Variants in WDFY4 observed in about 807,000 individuals in gnomAD.
WDFY4 encodes WDFY family member 4, also known as WD repeat- and FYVE domain-containing protein 4.
WDFY4 carries 169 observed loss-of-function variants against 351.9 expected under a neutral mutation model. The observed-to-expected ratio is 0.48, with a 90% confidence interval of 0.42 to 0.55. The LOEUF is 0.55. Ranked by LOEUF, WDFY4 falls within the 20% of genes least tolerant of loss-of-function variation. The probability of loss-of-function intolerance (pLI) is 0.00; values close to 1 mark genes in which losing one functional copy is unlikely to be tolerated. For missense variants in WDFY4, 3,803 were observed against 3,935.6 expected (o/e 0.97, Z 0.90); for synonymous variants, 1,622 against 1,574.6 (o/e 1.03, Z -0.71).
rs201529289 is a variant in WDFY4 at position 48,803,049 on chromosome 10, C to T, written c.4411-237C>T. 8.0e-3 allele frequency among the ~76,000 whole-genome samples: 1,215 copies of T among 152,280 alleles called. 45 individuals carry two copies. The East Asian group carries it at 0.13, about 16-fold the overall frequency. ...TTAGTGCAGGCGTCCTTGGTTGGAA[C>T]CAGGCCCACAATGAAGTGCCAAGTA... On this transcript the variant is annotated intron_variant, in intron 24 of 61. Transcript: ENST00000325239.
intron 1 of WDFY4, among the ~76,000 whole-genome samples, chr10:48,693,664 C>T (rs548513132): frequency 7.9e-4 from 120 of 152,316 alleles, no homozygotes; most frequent in Admixed American, 1.8e-3. Context: ...CTATTCTAAA[C>T]GCTTCATGTT....
intron 2 of WDFY4, among the ~76,000 whole-genome samples, chr10:48,716,823 G>A (rs541616599): frequency 2.6e-4 from 39 of 152,318 alleles, no homozygotes; most frequent in African/African-American, 8.2e-4. Flanking sequence ...GAGTTGCAGG[G>A]ATTTGTTAGA....
intron 39 of WDFY4, among the ~76,000 whole-genome samples, chr10:48,836,239 T>G (rs1449319569): frequency 6.6e-6 from 1 of 152,264 alleles, no homozygotes; most frequent in Non-Finnish European, 1.5e-5. Context: ...TATTTTCTAA[T>G]GTATCCCAAG....
chr10:48,823,297 A>T, intron 35 of WDFY4: 1 of 1,284,542 alleles, frequency 7.8e-7, no homozygotes, highest in African/African-American at 1.5e-5. Context: ...ACCCAGGGGG[A>T]TGTCTGTGAT....
intron 39 of WDFY4, among the ~76,000 whole-genome samples, chr10:48,837,855 G>A (rs937870523): frequency 2.0e-5 from 3 of 152,218 alleles, no homozygotes; most frequent in Non-Finnish European, 4.4e-5. Flanking sequence ...GTATACATAT[G>A]GACAGCTATC....
At chr10:48,789,808 A>C (rs2066617943) in intron 21 of WDFY4, 66 bp from the exon 22 acceptor site, 21 of 1,481,944 alleles carry the variant, frequency 1.4e-5, no homozygotes, top group Non-Finnish European at 1.9e-5. Context: ...GCCCTCCAGG[A>C]GCTCGTGGAC....
At chr10:48,931,988 G>A (rs1041750632) in intron 47 of WDFY4, among the ~76,000 whole-genome samples, 73 of 152,218 alleles carry the variant, frequency 4.8e-4, no homozygotes, top group African/African-American at 1.7e-3. Flanking sequence ...TGAAAAGGCC[G>A]GTGGGTAGGC....
intron 37 of WDFY4, among the ~76,000 whole-genome samples, chr10:48,829,822 A>G (rs2068127561): frequency 6.6e-6 from 1 of 152,226 alleles, no homozygotes; most frequent in Non-Finnish European, 1.5e-5. Context: ...ACTGCACTCC[A>G]GCCTAGGCAA....
chr10:48,840,650 T>C (rs1308185661), intron 39 of WDFY4, among the ~76,000 whole-genome samples: 1 of 152,124 alleles, frequency 6.6e-6, no homozygotes, highest in Non-Finnish European at 1.5e-5. Flanking sequence ...GCAGCAGAAC[T>C]GAACAAGGAC....
chr10:48,941,986 T>C (rs762484557), intron 48 of WDFY4, 138 bp downstream of exon 48: 1 of 911,964 alleles, frequency 1.1e-6, no homozygotes, highest in Non-Finnish European at 1.6e-6. Flanking sequence ...TTCTTTGAGA[T>C]GGAGTTTCAC....
At chr10:48,717,509 T>C (rs2063946252) in intron 2 of WDFY4, among the ~76,000 whole-genome samples, 2 of 152,224 alleles carry the variant, frequency 1.3e-5, no homozygotes, top group South Asian at 4.1e-4. Flanking sequence ...ACACATTCTA[T>C]AGCTCATTCC....
At position 48,716,975 on chromosome 10, in the gene WDFY4, C is replaced by T. The variant is rs11101440; in HGVS notation, c.235-3036C>T. 1.6e-4 allele frequency among the ~76,000 whole-genome samples: 25 copies of T among 152,284 alleles called. No homozygotes were observed. In the South Asian group the frequency reaches 4.6e-3, roughly 28 times the overall value. ...GCTTGCAGGTGGCAGCTATAAGTTT[C>T]GTAGATGTGCGAATGCTACTTTGGG... On this transcript the variant is annotated intron_variant, in intron 2 of 61. Transcript: ENST00000325239.
At chr10:48,787,657 GT>G (rs1177973945) in intron 20 of WDFY4, among the ~76,000 whole-genome samples, 1 of 152,158 alleles carries the variant, frequency 6.6e-6, no homozygotes, top group East Asian at 1.9e-4. Context: ...TAAGAGTTTG[GT>G]TTTAGGGAAT....
chr10:48,741,355 A>C (rs13377115), intron 11 of WDFY4, among the ~76,000 whole-genome samples: 1,616 of 148,600 alleles, frequency 0.011, 27 homozygotes, highest in African/African-American at 0.037. Flanking sequence ...CAGGAAGCTG[A>C]GGCAGGAGAA....
In WDFY4 at chr10:48,743,103, G is replaced by A; in HGVS notation, c.2014G>A (p.Val672Ile). The stretch of plus-strand genomic sequence containing the variant: ...GCCCCCGCTGCAGGCATGGGGAGCA[G>A]TATCCCCCAGACAGACCCTGGAGCT... Reference protein sequence around the residue: ...QEPPLQAWGAVSPRQTLELVL... With the variant: ...QEPPLQAWGAISPRQTLELVL... The change falls in exon 12 of 62, where the codon GTA becomes ATA. Residue 672 changes from valine (V) to isoleucine (I), a missense_variant. This residue lies in a region of WDFY4 where 3,054 missense variants were observed against 3,148.6 expected (regional missense o/e 0.97). Transcript: ENST00000325239. 6 of 1,551,730 alleles carry A rather than the reference G, an allele frequency of 3.9e-6. No homozygotes were observed. The highest frequency in any genetic ancestry group is 3.5e-6 in the Non-Finnish European group (4 of 1,146,992).
intron 24 of WDFY4, 23 bp from the exon 25 acceptor site, chr10:48,803,263 A>G: frequency 1.9e-6 from 3 of 1,550,930 alleles, no homozygotes; most frequent in South Asian, 2.4e-5. Flanking sequence ...TCATTTTAGC[A>G]TGTGTTTTGT....
At chr10:48,703,847 T>C (rs1197795858) in intron 1 of WDFY4, among the ~76,000 whole-genome samples, 4 of 152,154 alleles carry the variant, frequency 2.6e-5, no homozygotes, top group African/African-American at 7.2e-5. Flanking sequence ...GTTGTTACAA[T>C]GCAGAGCGAG....
In WDFY4 at chr10:48,966,823, A is replaced by AG. The variant is rs926304541; in HGVS notation, c.8584+156dup. The AG allele has an allele frequency of 9.0e-6, 10 of 1,112,464 alleles. No homozygotes were observed. The African/African-American group carries it at 9.5e-5, about 11-fold the overall frequency. The allele number at this position is 1,112,464 out of a possible 1,614,324, so 68.9% of individuals were successfully genotyped here. On this transcript the variant is annotated intron_variant, in intron 55 of 61. Coordinates refer to ENST00000325239, the MANE Select transcript of WDFY4 (RefSeq NM_001394531.1). ...GCATCTCCAGTCACAGCCAGATTCTAGGGGGGTGTCATCTCTGGGAAGTGT... is the reference window on the plus strand; with the variant it reads ...GCATCTCCAGTCACAGCCAGATTCTAGGGGGGGTGTCATCTCTGGGAAGTGT...
chr10:48,877,281 C>T, intron 43 of WDFY4, 82 bp downstream of exon 43: 1 of 1,292,502 alleles, frequency 7.7e-7, no homozygotes, highest in South Asian at 1.4e-5. Flanking sequence ...CAAGCTTTCG[C>T]CACTTACATG....
Sources: allele counts gnomAD v4.1 joint callset (sites outside exome capture counted in the v4.1 genomes callset), GRCh38; gene constraint gnomAD v4.1.1; regional missense constraint gnomAD v4.1.1; transcripts MANE v1.5; gene names NCBI Gene and HGNC (gene_info 2026-07-23, HGNC 2026-07-21).